CNKSR3: variants seen among roughly 807,000 people sequenced by gnomAD.
The protein encoded by CNKSR3 is connector enhancer of kinase suppressor of ras 3.
CNKSR3 carries 36 observed loss-of-function variants against 67.7 expected under a neutral mutation model. That is an observed-to-expected ratio of 0.53 (90% CI 0.41 to 0.70). The LOEUF (loss-of-function observed/expected upper bound fraction) is 0.70. CNKSR3 is among the 30% of genes least tolerant of loss of function. CNKSR3 has a pLI of 0.00. For synonymous variants in CNKSR3, 281 were observed against 271.4 expected (o/e 1.04, Z -0.35); for missense variants, 630 against 695.2 (o/e 0.91, Z 1.05).
At chr6:154,414,469 A>C in intron 9 of CNKSR3, 46 bp from the exon 10 acceptor site, 1 of 1,554,916 alleles carries the variant, frequency 6.4e-7, no homozygotes, top group East Asian at 2.3e-5. Context: ...AGATCAATTC[A>C]GAGATGATTC....
At chr6:154,464,454 C>T (rs1411275882) in intron 1 of CNKSR3, among the ~76,000 whole-genome samples, 7 of 152,216 alleles carry the variant, frequency 4.6e-5, no homozygotes, top group Admixed American at 1.3e-4. Context: ...CAGTGACTCA[C>T]ACCTGTAATC....
intron 1 of CNKSR3, among the ~76,000 whole-genome samples, chr6:154,462,258 G>A (rs1260570143): frequency 4.4e-5 from 6 of 136,300 alleles, no homozygotes; most frequent in East Asian, 2.2e-4. Flanking sequence ...ATACAATAAC[G>A]TTGTATAAGT....
chr6:154,448,399 A>G (rs1785751925), intron 2 of CNKSR3, among the ~76,000 whole-genome samples: 1 of 149,968 alleles, frequency 6.7e-6, no homozygotes, highest in Admixed American at 6.8e-5. Context: ...ATGTTCCCAG[A>G]AAGTATAATA....
At position 154,406,486 on chromosome 6, in the gene CNKSR3, G is replaced by A. The variant is rs1784792005; in HGVS notation, c.1536C>T (p.His512=). 1.2e-6 allele frequency: 2 copies of A among 1,614,232 alleles called. No homozygotes were observed. The highest frequency in any genetic ancestry group is 1.6e-4 in the Middle Eastern group (1 of 6,062). ...GSRCYINSDL[H]SSATIPFQEE... ...CCTGGAATGGAATCGTGGCGCTGCT[G>A]TGGAGATCTGAGTTGATGTAGCACC... Residue 512 remains histidine, a synonymous_variant, in exon 13 of 13, where the codon CAC becomes CAT. Transcript: ENST00000607772.
intron 9 of CNKSR3, among the ~76,000 whole-genome samples, chr6:154,421,168 C>G (rs1474650348): frequency 6.6e-6 from 1 of 152,166 alleles, no homozygotes; most frequent in Non-Finnish European, 1.5e-5. Context: ...CACAGGCCAC[C>G]ACGCTCAACT....
At chr6:154,425,510 T>A (rs756134319) in intron 7 of CNKSR3, among the ~76,000 whole-genome samples, 23 of 152,216 alleles carry the variant, frequency 1.5e-4, no homozygotes, top group Non-Finnish European at 2.9e-4. Context: ...GTTGGTTTGC[T>A]GCAGAAGGGT....
chr6:154,408,998 G>A (rs970708378), intron 12 of CNKSR3, among the ~76,000 whole-genome samples: 2 of 152,184 alleles, frequency 1.3e-5, no homozygotes, highest in African/African-American at 4.8e-5. Context: ...CAAGGAAGAT[G>A]TTAACGTGTC....
intron 9 of CNKSR3, among the ~76,000 whole-genome samples, chr6:154,415,878 A>G (rs928916232): frequency 3.3e-5 from 5 of 152,212 alleles, no homozygotes; most frequent in African/African-American, 4.8e-5. Context: ...AATGACAACA[A>G]TGATTTTTCT....
intron 1 of CNKSR3, among the ~76,000 whole-genome samples, chr6:154,470,188 CTTTTTTTT>C (rs869154714): frequency 0.027 from 1,881 of 68,462 alleles, 26 homozygotes; most frequent in African/African-American, 0.096. Context: ...ACTTTCTTTC[CTTTTTTTT>C]TTTTTTTTTT....
intron 7 of CNKSR3, among the ~76,000 whole-genome samples, chr6:154,424,032 A>G (rs2128714139): frequency 6.6e-6 from 1 of 152,222 alleles, no homozygotes; most frequent in East Asian, 1.9e-4. Flanking sequence ...GGAGATCGAG[A>G]CCATCCTGGC....
chr6:154,444,223 GC>G (rs1376873243), intron 2 of CNKSR3, among the ~76,000 whole-genome samples: 1 of 152,178 alleles, frequency 6.6e-6, no homozygotes, highest in Non-Finnish European at 1.5e-5. Context: ...AACACTTTAT[GC>G]CAGGAACTGG....
chr6:154,478,169 C>G (rs1786492820), intron 1 of CNKSR3, among the ~76,000 whole-genome samples: 1 of 152,212 alleles, frequency 6.6e-6, no homozygotes, highest in Admixed American at 6.5e-5. Flanking sequence ...CCAAAGCTGG[C>G]CCGAGGCCTG....
At position 154,410,399 on chromosome 6, in the gene CNKSR3, C is replaced by A. The variant is rs747147689; in HGVS notation, c.1313G>T (p.Gly438Val). 2.5e-6 allele frequency: 4 copies of A among 1,614,110 alleles called. No homozygotes were observed. The East Asian group carries it at 8.9e-5, about 36-fold the overall frequency. The change falls in exon 12 of 13, where the codon GGG (glycine) becomes GTG (valine). Residue 438 changes from glycine to valine, a missense_variant. Transcript: ENST00000607772. ...KPRPLSMPAD[G>V]NWMGIVDPFA... is the part of the protein sequence containing the mutation. The stretch of plus-strand genomic sequence containing the variant: ...AGGGTCCACAATCCCCATCCAGTTC[C>A]CATCAGCAGGCATGGACAAAGGCCG...
intron 4 of CNKSR3, 50 bp downstream of exon 4, chr6:154,441,242 C>CAAAAAAAAAAAAAAAAAAAGAAAAAAAA: frequency 1.2e-6 from 1 of 843,778 alleles, no homozygotes; most frequent in Non-Finnish European, 1.8e-6. Context: ...AGAGGAAAAG[C>CAAAAAAAAAAAAAAAAAAAGAAAAAAAA]AAAAAAAAAA....
intron 10 of CNKSR3, among the ~76,000 whole-genome samples, chr6:154,412,189 C>G (rs1784925311): frequency 6.6e-6 from 1 of 152,210 alleles, no homozygotes; most frequent in Non-Finnish European, 1.5e-5. Context: ...TGGCATCCAC[C>G]TACCCCTCCC....
At chr6:154,422,007 T>A (rs1394081965) in intron 9 of CNKSR3, among the ~76,000 whole-genome samples, 9 of 124,954 alleles carry the variant, frequency 7.2e-5, no homozygotes, top group African/African-American at 2.1e-4. Context: ...TTTTTTTTTT[T>A]ATGAGAATAG....
intron 4 of CNKSR3, among the ~76,000 whole-genome samples, chr6:154,438,083 A>G (rs917917386): frequency 6.6e-6 from 1 of 152,204 alleles, no homozygotes; most frequent in African/African-American, 2.4e-5. Context: ...GGCATGAGCC[A>G]CCGCACCTGG....
chr6:154,429,104 T>C (rs758345697), intron 6 of CNKSR3, among the ~76,000 whole-genome samples: 33 of 152,336 alleles, frequency 2.2e-4, no homozygotes, highest in South Asian at 6.2e-4. Flanking sequence ...GAATGTATCA[T>C]TGAGGAACTA....
chr6:154,407,672 G>A (rs79980226), intron 12 of CNKSR3, among the ~76,000 whole-genome samples: 167 of 151,850 alleles, frequency 1.1e-3, no homozygotes, highest in African/African-American at 3.5e-3. Context: ...AGCCGGTCTC[G>A]AAATCCTGAG....
Sources: gnomAD v4.1 joint callset for allele counts (sites outside exome capture counted in the v4.1 genomes callset) on GRCh38, gnomAD v4.1.1 for gene constraint, MANE v1.5 for transcripts, NCBI Gene and HGNC (gene_info 2026-07-23, HGNC 2026-07-21) for gene names.